The following ADGRL3 variants were observed in gnomAD, a reference collection of about 807,000 sequenced individuals.
The protein encoded by ADGRL3 is calcium-independent alpha-latrotoxin receptor 3.
Under a neutral mutation model 153.5 loss-of-function variants are expected in ADGRL3, and 62 were observed. The observed-to-expected ratio is 0.40, with a 90% CI of 0.33 to 0.50. The LOEUF is 0.50. Among genes scored for constraint, ADGRL3 ranks in the 20% least tolerant of loss-of-function variants. The pLI, the probability that ADGRL3 is intolerant of heterozygous loss-of-function variation, is 0.47. For synonymous variants in ADGRL3, 710 were observed against 672.5 expected (o/e 1.06, Z -0.86); for missense variants, 1,641 against 1,859.4 (o/e 0.88, Z 2.16).
rs764592228 is a variant in ADGRL3, at chr4:62,070,155, A to C, written c.3879A>C (p.Leu1293=). 2 of 1,614,032 alleles carry C rather than the reference A, an allele frequency of 1.2e-6. No individual in the cohort carries two copies. The highest frequency in any genetic ancestry group is 3.3e-5 in the Admixed American group (2 of 60,006). ...GGGATACAAGTGTCATGGATACTCT[A>C]CCACTGAATGGTAACCATGGCAATA... is the stretch of plus-strand genomic sequence containing the variant. ...NARDTSVMDT[L]PLNGNHGNSY... The change falls in exon 27 of 27, where the codon CTA becomes CTC. Residue 1293 remains leucine (L), a synonymous_variant. Transcript: ENST00000683033.
At chr4:61,474,741 A>G (rs1413133776) in intron 2 of ADGRL3, among the ~76,000 whole-genome samples, 1 of 152,124 alleles carries the variant, frequency 6.6e-6, no homozygotes, top group Non-Finnish European at 1.5e-5. Context: ...AAAGGCACAT[A>G]TATCTCAAAG....
At chr4:61,696,435 ATTTCT>A (rs2095643659) in intron 6 of ADGRL3, among the ~76,000 whole-genome samples, 1 of 152,018 alleles carries the variant, frequency 6.6e-6, no homozygotes, top group African/African-American at 2.4e-5. Context: ...CATCTACTGT[ATTTCT>A]TTTCTTTACC....
In ADGRL3 at chr4:61,212,796, C is replaced by A. The variant is rs542622525; in HGVS notation, c.-240+11031C>A. ...TGTACAATGACCTTCCTTACTATTG[C>A]AAATCCTCAAAGAAGAAGGAACACT... On this transcript the variant is annotated intron_variant, in intron 1 of 26. Coordinates refer to ENST00000683033, the MANE Select transcript of ADGRL3 (RefSeq NM_001387552.1). Among the ~76,000 whole-genome samples the A allele has an allele frequency of 1.1e-4, 16 of 152,228 alleles. 1 individual carries two copies. The South Asian group carries it at 3.3e-3, about 32-fold the overall frequency.
At chr4:61,221,667 G>A (rs374933379) in intron 1 of ADGRL3, among the ~76,000 whole-genome samples, 1 of 151,986 alleles carries the variant, frequency 6.6e-6, no homozygotes. Context: ...TTTACAATAA[G>A]TTGCTTTACT....
chr4:61,275,785 C>T (rs546542513), intron 1 of ADGRL3, among the ~76,000 whole-genome samples: 28 of 152,284 alleles, frequency 1.8e-4, no homozygotes, highest in African/African-American at 6.7e-4. Flanking sequence ...TGGTTACTTA[C>T]ATATCTAAAA....
chr4:61,442,831 A>G (rs545948967), intron 2 of ADGRL3, among the ~76,000 whole-genome samples: 4 of 152,256 alleles, frequency 2.6e-5, no homozygotes, highest in African/African-American at 9.6e-5. Flanking sequence ...AAACCCCAGT[A>G]TAACCATATA....
chr4:61,254,228 A>G (rs935258619), intron 1 of ADGRL3, among the ~76,000 whole-genome samples: 7 of 152,100 alleles, frequency 4.6e-5, no homozygotes, highest in Non-Finnish European at 7.4e-5. Flanking sequence ...ATTCACTTCC[A>G]TCTTCTAGAA....
intron 9 of ADGRL3, among the ~76,000 whole-genome samples, chr4:61,837,341 GGTGA>G (rs1298755170): frequency 6.6e-6 from 1 of 152,100 alleles, no homozygotes; most frequent in Non-Finnish European, 1.5e-5. Context: ...ACTGCTCAGT[GGTGA>G]GTAACTTATT....
chr4:61,266,035 C>T (rs1246866634), intron 1 of ADGRL3, among the ~76,000 whole-genome samples: 3 of 151,798 alleles, frequency 2.0e-5, no homozygotes, highest in South Asian at 2.1e-4. Context: ...AATTTTCATA[C>T]AGGATGTGAT....
intron 21 of ADGRL3, among the ~76,000 whole-genome samples, chr4:61,998,931 C>A (rs1316420496): frequency 3.3e-5 from 5 of 152,012 alleles, no homozygotes; most frequent in Non-Finnish European, 7.4e-5. Flanking sequence ...TCCATCTCCC[C>A]CTCCAGAGCA....
chr4:61,551,157 A>T (rs1403370652), intron 4 of ADGRL3, among the ~76,000 whole-genome samples: 1 of 152,150 alleles, frequency 6.6e-6, no homozygotes, highest in African/African-American at 2.4e-5. Context: ...TAAATTAAGG[A>T]TTCTGAGGCT....
intron 5 of ADGRL3, among the ~76,000 whole-genome samples, chr4:61,623,761 T>A (rs2092674237): frequency 6.6e-6 from 1 of 152,146 alleles, no homozygotes; most frequent in Non-Finnish European, 1.5e-5. Flanking sequence ...AAGTATATTA[T>A]TAGTCTGATA....
At chr4:62,017,122 A>G (rs1356541170) in intron 21 of ADGRL3, among the ~76,000 whole-genome samples, 1 of 152,102 alleles carries the variant, frequency 6.6e-6, no homozygotes, top group Non-Finnish European at 1.5e-5. Context: ...AGATGATGAT[A>G]TCATACTTAA....
chr4:61,419,836 C>G (rs2097183073), intron 2 of ADGRL3, among the ~76,000 whole-genome samples: 1 of 151,092 alleles, frequency 6.6e-6, no homozygotes, highest in African/African-American at 2.4e-5. Context: ...CTCTCGTCAC[C>G]TAGGCTGGAC....
chr4:61,383,444 A>G (rs1237216862), intron 2 of ADGRL3, among the ~76,000 whole-genome samples: 1 of 151,770 alleles, frequency 6.6e-6, no homozygotes, highest in Non-Finnish European at 1.5e-5. Context: ...GTGAGGAAAT[A>G]TACTCCAGTT....
At chr4:61,735,328 A>G (rs141303629) in intron 8 of ADGRL3, among the ~76,000 whole-genome samples, 1 of 152,240 alleles carries the variant, frequency 6.6e-6, no homozygotes, top group African/African-American at 2.4e-5. Context: ...ACAATCAGCA[A>G]TGCTGATATT....
intron 4 of ADGRL3, among the ~76,000 whole-genome samples, chr4:61,524,222 G>A (rs1037074004): frequency 2.6e-5 from 4 of 151,962 alleles, no homozygotes; most frequent in Admixed American, 6.6e-5. Flanking sequence ...TTATAGAAGC[G>A]TTAACACAAA....
intron 2 of ADGRL3, among the ~76,000 whole-genome samples, chr4:61,456,362 G>T (rs1350423466): frequency 8.5e-6 from 1 of 117,642 alleles, no homozygotes; most frequent in South Asian, 2.7e-4. Context: ...TATATATAGA[G>T]ATATAGATAT....
chr4:61,748,050 C>G (rs2096694204), intron 8 of ADGRL3, among the ~76,000 whole-genome samples: 1 of 151,482 alleles, frequency 6.6e-6, no homozygotes, highest in Non-Finnish European at 1.5e-5. Context: ...CACAAGCATT[C>G]TTATACACCA....
Sources: gnomAD v4.1 joint callset for allele counts (sites outside exome capture counted in the v4.1 genomes callset) on GRCh38, gnomAD v4.1.1 for gene constraint, MANE v1.5 for transcripts, NCBI Gene and HGNC (gene_info 2026-07-23, HGNC 2026-07-21) for gene names.